Variants in WIPI2 observed in about 807,000 individuals in gnomAD.
The protein encoded by WIPI2 is WD repeat domain, phosphoinositide interacting 2, also known as WD repeat domain phosphoinositide-interacting protein 2.
A neutral mutation model predicts 52.3 loss-of-function variants in WIPI2; 28 were observed. That is an observed-to-expected ratio of 0.54 (90% CI 0.40 to 0.73). WIPI2 has a LOEUF of 0.73. Among genes scored for constraint, WIPI2 ranks in the 30% least tolerant of loss-of-function variants. WIPI2 has a pLI of 0.00. For missense variants in WIPI2, 506 were observed against 602.9 expected, an observed-to-expected ratio of 0.84 and a Z score of 1.68; for synonymous variants, 268 against 245.0, an observed-to-expected ratio of 1.09 and a Z score of -0.88.
intron 2 of WIPI2, among the ~76,000 whole-genome samples, chr7:5,199,055 C>T (rs761960436): frequency 6.6e-6 from 1 of 152,090 alleles, no homozygotes; most frequent in African/African-American, 2.4e-5. Context: ...TATCTCGCTC[C>T]GTCTCCCAGG....
chr7:5,232,167 A>G lies in WIPI2; in HGVS notation c.*1220A>G, dbSNP rs59771917. The G allele has an allele frequency of 2.1e-4, 82 of 398,884 alleles. No individual in the cohort carries two copies. Among genetic ancestry groups the G allele is most frequent in the African/African-American group, 1.2e-3 (60 of 48,758 alleles). The allele number at this position is 398,884 out of a possible 1,614,324, so 24.7% of individuals were successfully genotyped here. A position where few individuals can be genotyped will look rare whatever the true frequency, so the allele number is the denominator to read the frequency against. On this transcript the variant is annotated 3_prime_UTR_variant, in exon 13 of 13. Transcript: ENST00000288828. ...GGCAGGAGAGATGGTTTTAGAATCT[A>G]TGGAGTGGTGGAAGTTACGGATAGA...
intron 4 of WIPI2, among the ~76,000 whole-genome samples, chr7:5,215,020 A>AT (rs1562398178): frequency 1.3e-5 from 2 of 152,190 alleles, no homozygotes; most frequent in Non-Finnish European, 2.9e-5. Context: ...ACTTAAAAAA[A>AT]ATATATTTGG....
chr7:5,215,330 CT>C (rs1390427994), intron 4 of WIPI2, among the ~76,000 whole-genome samples: 1 of 152,088 alleles, frequency 6.6e-6, no homozygotes, highest in Non-Finnish European at 1.5e-5. Flanking sequence ...AACTTACAGA[CT>C]TTTTTTTCCT....
chr7:5,190,387 C>T lies in WIPI2; in HGVS notation c.-33C>T, dbSNP rs886450917. The T allele has an allele frequency of 4.5e-6, 6 of 1,339,760 alleles. No individual in the cohort carries two copies. The highest frequency in any genetic ancestry group is 1.5e-5 in the African/African-American group (1 of 64,870). 83.0% of individuals were successfully genotyped at this position (1,339,760 alleles called of 1,614,324 possible). ...TGACCCGCCCTCGCGCGCGCGCCCT[C>T]CCCGGCCGGGCCCACTCGCCGCGCG... On this transcript the variant is annotated 5_prime_UTR_variant, in exon 1 of 13. Transcript: ENST00000288828.
intron 1 of WIPI2, among the ~76,000 whole-genome samples, chr7:5,192,651 T>A (rs1289582552): frequency 6.6e-6 from 1 of 152,238 alleles, no homozygotes. Context: ...AGTGTAAACC[T>A]AAATTGGAAT....
chr7:5,208,224 A>G (rs1235272115), intron 3 of WIPI2, among the ~76,000 whole-genome samples: 1 of 152,084 alleles, frequency 6.6e-6, no homozygotes, highest in Non-Finnish European at 1.5e-5. Context: ...CCTCTGTGAC[A>G]TGTCTGTTCC....
At chr7:5,205,354 G>T (rs1782244408) in intron 3 of WIPI2, among the ~76,000 whole-genome samples, 1 of 152,202 alleles carries the variant, frequency 6.6e-6, no homozygotes, top group Non-Finnish European at 1.5e-5. Context: ...CTTTTGCAGA[G>T]CCACCTCTCC....
At position 5,233,594 on chromosome 7, in the gene WIPI2, G is replaced by A. The variant is rs1281966160; in HGVS notation, c.*2647G>A. ...AATCTCTAAAACAATGGGACCAAGA[G>A]CTGGATGGAACCTGGAGTCAAAAAG... On this transcript the variant is annotated 3_prime_UTR_variant, in exon 13 of 13. Coordinates refer to ENST00000288828, the MANE Select transcript of WIPI2 (RefSeq NM_015610.4). 6.6e-6 allele frequency: 1 copy of A among 152,660 alleles called. No homozygotes were observed. Among genetic ancestry groups the A allele is most frequent in the Non-Finnish European group, 1.5e-5 (1 of 68,080 alleles). 9.5% of individuals were successfully genotyped at this position (152,660 alleles called of 1,614,324 possible). A position where few individuals can be genotyped will look rare whatever the true frequency, so the allele number is the denominator to read the frequency against.
intron 3 of WIPI2, among the ~76,000 whole-genome samples, chr7:5,204,391 C>T (rs1043398221): frequency 3.5e-4 from 54 of 152,150 alleles, no homozygotes; most frequent in African/African-American, 1.3e-3. Flanking sequence ...CACTTGGACC[C>T]GGGAGTCAAA....
rs1783771987 is a variant in WIPI2, at chr7:5,232,477, A to C, written c.*1530A>C. Reference sequence around the variant, plus strand: ...CAACATCTGCATTAGGCAGAGGTGCAAGTGGGCTGATTGAACTTTTCCTTC... The same window carrying C: ...CAACATCTGCATTAGGCAGAGGTGCCAGTGGGCTGATTGAACTTTTCCTTC... On this transcript the variant is annotated 3_prime_UTR_variant, in exon 13 of 13. Coordinates refer to ENST00000288828, the MANE Select transcript of WIPI2 (RefSeq NM_015610.4). 2 of 397,326 alleles carry C rather than the reference A, an allele frequency of 5.0e-6. No individual in the cohort carries two copies. Among genetic ancestry groups the C allele is most frequent in the Non-Finnish European group, 8.9e-6 (2 of 225,760 alleles). The allele number at this position is 397,326 out of a possible 1,614,324, so 24.6% of individuals were successfully genotyped here. A position where few individuals can be genotyped will look rare whatever the true frequency, so the allele number is the denominator to read the frequency against.
chr7:5,203,979 C>T (rs1320650647), intron 3 of WIPI2, among the ~76,000 whole-genome samples: 2 of 152,164 alleles, frequency 1.3e-5, no homozygotes, highest in Non-Finnish European at 2.9e-5. Context: ...TGTCCTGGGA[C>T]GTGCCATCTT....
chr7:5,190,316 C>T lies in WIPI2; in HGVS notation c.-104C>T. The T allele has an allele frequency of 2.6e-5, 19 of 722,248 alleles. No individual in the cohort carries two copies. The highest frequency in any genetic ancestry group is 3.6e-5 in the Non-Finnish European group (19 of 532,750). 44.7% of individuals were successfully genotyped at this position (722,248 alleles called of 1,614,324 possible). On this transcript the variant is annotated 5_prime_UTR_variant, in exon 1 of 13. Transcript: ENST00000288828. ...TTGATCCCAGGGTGGCGAGTGGCGG[C>T]GACCGAGGCGGCGAGCGGGGCCCGG...
At chr7:5,210,063 A>G (rs1293564119) in intron 3 of WIPI2, among the ~76,000 whole-genome samples, 2 of 151,660 alleles carry the variant, frequency 1.3e-5, no homozygotes, top group African/African-American at 4.9e-5. Context: ...GCCCACCGCG[A>G]TGCCCGGCTC....
intron 7 of WIPI2, chr7:5,218,719 C>T (rs148405000): frequency 1.2e-4 from 18 of 152,328 alleles, no homozygotes; most frequent in African/African-American, 3.4e-4. Context: ...TACCTGTGAC[C>T]GCGTGGCGAG....
chr7:5,215,111 G>C lies in WIPI2; in HGVS notation c.381+407G>C, dbSNP rs957529732. On this transcript the variant is annotated intron_variant, in intron 4 of 12. Coordinates refer to ENST00000288828, the MANE Select transcript of WIPI2 (RefSeq NM_015610.4). ...AGATTGCCTGAGGTCAGGAATTTGA[G>C]ATCAGCCTGGCCAACATGATGAAAC... Among the ~76,000 whole-genome samples, 5 of 152,332 alleles carry C rather than the reference G, an allele frequency of 3.3e-5. 1 individual carries two copies. Among genetic ancestry groups the C allele is most frequent in the African/African-American group, 1.2e-4 (5 of 41,576 alleles).
intron 2 of WIPI2, among the ~76,000 whole-genome samples, chr7:5,194,028 C>G (rs1781618036): frequency 6.6e-6 from 1 of 152,220 alleles, no homozygotes; most frequent in Non-Finnish European, 1.5e-5. Flanking sequence ...GCCATCAGGA[C>G]TTGTGTGACC....
chr7:5,228,124 T>G lies in WIPI2; in HGVS notation c.1034T>G (p.Leu345Trp), dbSNP rs765406349. Reference protein sequence around the residue: ...SLATIQKIPRLLVGAADGYLY... With the variant: ...SLATIQKIPRWLVGAADGYLY... Reference sequence around the variant, plus strand: ...CCTAGAATTCAGAAGATCCCGCGGTTGTTGGTGGGTGCCGCCGACGGGTAC... The same window carrying G: ...CCTAGAATTCAGAAGATCCCGCGGTGGTTGGTGGGTGCCGCCGACGGGTAC... Residue 345 changes from leucine to tryptophan, a missense_variant, in exon 11 of 13, where the codon TTG (leucine) becomes TGG (tryptophan). By Grantham distance (61) the Leu-to-Trp change is moderately conservative (BLOSUM62 -2). Coordinates refer to ENST00000288828, the MANE Select transcript of WIPI2 (RefSeq NM_015610.4). 1.2e-6 allele frequency: 2 copies of G among 1,613,978 alleles called. No homozygotes were observed. The highest frequency in any genetic ancestry group is 1.7e-6 in the Non-Finnish European group (2 of 1,180,022).
At chr7:5,204,412 A>T (rs896317041) in intron 3 of WIPI2, among the ~76,000 whole-genome samples, 1 of 152,206 alleles carries the variant, frequency 6.6e-6, no homozygotes, top group Non-Finnish European at 1.5e-5. Flanking sequence ...GGTTGCAGTG[A>T]GTCAAGATTG....
rs1280573390 is a variant in WIPI2, at chr7:5,228,140, C to T, written c.1050C>T (p.Ala350=). The part of the protein sequence containing the change: ...QKIPRLLVGA[A]DGYLYMYNLD... Reference sequence around the variant, plus strand: ...TCCCGCGGTTGTTGGTGGGTGCCGCCGACGGGTACCTGTACATGTACAACC... The same window carrying T: ...TCCCGCGGTTGTTGGTGGGTGCCGCTGACGGGTACCTGTACATGTACAACC... The change falls in exon 11 of 13, where the codon GCC becomes GCT. Residue 350 remains alanine (A), a synonymous_variant. Transcript: ENST00000288828. 7.4e-6 allele frequency: 12 copies of T among 1,613,886 alleles called. No individual in the cohort carries two copies. The highest frequency in any genetic ancestry group is 2.2e-5 in the East Asian group (1 of 44,880).
Sources: gnomAD v4.1 joint callset for allele counts (sites outside exome capture counted in the v4.1 genomes callset) on GRCh38, gnomAD v4.1.1 for gene constraint, MANE v1.5 for transcripts, NCBI Gene and HGNC (gene_info 2026-07-23, HGNC 2026-07-21) for gene names.